NRXN3: variants seen among roughly 807,000 people sequenced by gnomAD.
NRXN3 encodes the protein neurexin III.
In NRXN3, 32 loss-of-function variants were observed where a neutral mutation model predicts 137.6. The observed-to-expected ratio is 0.23, with a 90% CI of 0.18 to 0.31. NRXN3 has a LOEUF of 0.31. Among genes scored for constraint, NRXN3 ranks in the 10% least tolerant of loss-of-function variants. The pLI, the probability that NRXN3 is intolerant of heterozygous loss-of-function variation, is 1.00. For missense variants in NRXN3, 1,574 were observed against 2,062.5 expected, an observed-to-expected ratio of 0.76 and a Z score of 4.59; for synonymous variants, 798 against 784.5, an observed-to-expected ratio of 1.02 and a Z score of -0.29.
intron 15 of NRXN3, among the ~76,000 whole-genome samples, chr14:79,433,156 C>T (rs186435673): frequency 5.9e-5 from 9 of 152,190 alleles, no homozygotes; most frequent in East Asian, 1.9e-4. Context: ...CAGAAAGAAA[C>T]GTGGGTATTC....
chr14:79,774,884 A>G (rs1378178008), intron 19 of NRXN3, among the ~76,000 whole-genome samples: 3 of 152,126 alleles, frequency 2.0e-5, no homozygotes, highest in African/African-American at 7.2e-5. Flanking sequence ...GAAGGGACAG[A>G]TTTATGTCAT....
intron 15 of NRXN3, among the ~76,000 whole-genome samples, chr14:79,335,729 A>G (rs74069731): frequency 0.017 from 2,586 of 151,928 alleles, 83 homozygotes; most frequent in African/African-American, 0.059. Flanking sequence ...TTTTGGCTCT[A>G]CTTTTATTAT....
In NRXN3 at chr14:79,695,865, A is replaced by G. The variant is rs1165698350; in HGVS notation, c.3707-1765A>G. ...TGATTGCATCCTTGGGATCTGGGTA[A>G]TTCTGTAGTCATTAAGGCCAGCAGA... On this transcript the variant is annotated intron_variant, in intron 18 of 20. Transcript: ENST00000335750. Among the ~76,000 whole-genome samples the G allele has an allele frequency of 1.4e-4, 22 of 151,942 alleles. 1 individual carries two copies.
intron 15 of NRXN3, among the ~76,000 whole-genome samples, chr14:79,353,257 G>A (rs1480228129): frequency 6.6e-6 from 1 of 151,870 alleles, no homozygotes; most frequent in Non-Finnish European, 1.5e-5. Flanking sequence ...GATATAGGCT[G>A]TTCTTAAAAT....
intron 4 of NRXN3, among the ~76,000 whole-genome samples, chr14:78,357,651 A>G (rs1485226581): frequency 2.6e-5 from 4 of 152,208 alleles, no homozygotes; most frequent in Admixed American, 2.6e-4. Flanking sequence ...AGCATAGCCA[A>G]TACAGAAGGC....
intron 15 of NRXN3, among the ~76,000 whole-genome samples, chr14:79,131,531 C>T (rs1198940362): frequency 6.6e-6 from 1 of 152,202 alleles, no homozygotes; most frequent in Admixed American, 6.5e-5. Flanking sequence ...GGCAGTCTGC[C>T]CGTTTTCAGA....
At chr14:79,347,396 A>C (rs2092940828) in intron 15 of NRXN3, among the ~76,000 whole-genome samples, 1 of 152,006 alleles carries the variant, frequency 6.6e-6, no homozygotes, top group South Asian at 2.1e-4. Flanking sequence ...TAATTATCTG[A>C]AATGATTTTT....
chr14:79,462,888 A>ATGTATATGTATATGTACATACACATATG (rs1555462536), intron 15 of NRXN3, among the ~76,000 whole-genome samples: 1 of 21,746 alleles, frequency 4.6e-5, no homozygotes, highest in Non-Finnish European at 1.0e-4. Flanking sequence ...ACATACACAT[A>ATGTATATGTATATGTACATACACATATG]TGTATGTATA....
At chr14:78,664,707 A>G (rs971336972) in intron 6 of NRXN3, among the ~76,000 whole-genome samples, 1 of 152,188 alleles carries the variant, frequency 6.6e-6, no homozygotes, top group Non-Finnish European at 1.5e-5. Flanking sequence ...ATGCATTGCA[A>G]TTGTTATTAT....
At chr14:79,581,054 C>A (rs2097710899) in intron 16 of NRXN3, among the ~76,000 whole-genome samples, 1 of 152,052 alleles carries the variant, frequency 6.6e-6, no homozygotes, top group African/African-American at 2.4e-5. Context: ...CTCCGTGGTC[C>A]TGTTAGGGCA....
At chr14:78,336,190 G>A (rs2081443116) in intron 4 of NRXN3, among the ~76,000 whole-genome samples, 1 of 152,194 alleles carries the variant, frequency 6.6e-6, no homozygotes, top group Non-Finnish European at 1.5e-5. Context: ...TGGTTCTAGA[G>A]ACCACGCTTT....
chr14:79,697,164 G>A (rs2098738607), intron 18 of NRXN3, among the ~76,000 whole-genome samples: 1 of 151,858 alleles, frequency 6.6e-6, no homozygotes, highest in Admixed American at 6.6e-5. Context: ...TATCAGACCT[G>A]GTTTTTAAAT....
chr14:79,419,781 G>C (rs575364802), intron 15 of NRXN3, among the ~76,000 whole-genome samples: 1 of 152,280 alleles, frequency 6.6e-6, no homozygotes, highest in South Asian at 2.1e-4. Context: ...TCCCTGGCTT[G>C]ACCTAAGGAT....
intron 19 of NRXN3, among the ~76,000 whole-genome samples, chr14:79,794,868 TG>T (rs2099156402): frequency 6.6e-6 from 1 of 152,216 alleles, no homozygotes; most frequent in Admixed American, 6.5e-5. Flanking sequence ...CAGCAAGGAA[TG>T]GAAGTGGACA....
At chr14:78,427,298 T>TA (rs2093700750) in intron 4 of NRXN3, among the ~76,000 whole-genome samples, 1 of 152,202 alleles carries the variant, frequency 6.6e-6, no homozygotes, top group Non-Finnish European at 1.5e-5. Context: ...AATCTGCTGA[T>TA]AAAAGTACCT....
intron 15 of NRXN3, among the ~76,000 whole-genome samples, chr14:79,296,875 A>C (rs1321604992): frequency 6.6e-6 from 1 of 152,216 alleles, no homozygotes; most frequent in Non-Finnish European, 1.5e-5. Flanking sequence ...ATCAAGATAA[A>C]AATGTTTAAT....
At chr14:78,325,176 C>T (rs555127850) in intron 4 of NRXN3, among the ~76,000 whole-genome samples, 2 of 152,072 alleles carry the variant, frequency 1.3e-5, no homozygotes, top group East Asian at 1.9e-4. Context: ...AGACAAAGGT[C>T]CAAGGCCGTC....
intron 2 of NRXN3, among the ~76,000 whole-genome samples, chr14:78,258,626 C>T (rs1199819238): frequency 6.6e-6 from 1 of 152,002 alleles, no homozygotes; most frequent in Non-Finnish European, 1.5e-5. Context: ...ATAGCAGATA[C>T]CCAGACATGT....
At chr14:79,664,069 G>A (rs1227642320) in intron 17 of NRXN3, 120 bp downstream of exon 17, 4 of 1,017,786 alleles carry the variant, frequency 3.9e-6, no homozygotes, top group Non-Finnish European at 5.8e-6. Context: ...ACACATTCAT[G>A]ATTTTTTTGT....
Sources: gnomAD v4.1 joint callset for allele counts (sites outside exome capture counted in the v4.1 genomes callset) on GRCh38, gnomAD v4.1.1 for gene constraint, MANE v1.5 for transcripts, NCBI Gene and HGNC (gene_info 2026-07-23, HGNC 2026-07-21) for gene names.